Variants in GRM7 observed in about 807,000 individuals in gnomAD.
GRM7 encodes the protein glutamate metabotropic receptor 7, also known as metabotropic glutamate receptor 7.
GRM7 carries 35 observed loss-of-function variants against 84.5 expected under a neutral mutation model. The ratio of observed to expected loss-of-function variants is 0.41; its 90% CI spans 0.32 to 0.55. The LOEUF is 0.55. GRM7 is among the 20% of genes least tolerant of loss of function. The pLI, the probability that GRM7 is intolerant of heterozygous loss-of-function variation, is 0.19. For synonymous variants in GRM7, 487 were observed against 455.1 expected (o/e 1.07, Z -0.89); for missense variants, 1,003 against 1,194.6 (o/e 0.84, Z 2.36).
intron 1 of GRM7, among the ~76,000 whole-genome samples, chr3:6,960,183 C>G (rs1445298497): frequency 6.6e-6 from 1 of 152,172 alleles, no homozygotes; most frequent in Non-Finnish European, 1.5e-5. Context: ...ATGACTCAAG[C>G]TGAGCCACCC....
At chr3:7,146,999 T>A (rs1028815956) in intron 2 of GRM7, among the ~76,000 whole-genome samples, 15 of 152,194 alleles carry the variant, frequency 9.9e-5, no homozygotes, top group African/African-American at 3.6e-4. Context: ...TACCTCCCCA[T>A]GAAGACTCTT....
intron 7 of GRM7, chr3:7,561,284 T>A (rs1003484982): frequency 4.4e-6 from 1 of 226,764 alleles, no homozygotes; most frequent in African/African-American, 2.2e-5. Context: ...AAGGACCAAC[T>A]GGGTCACACT....
intron 1 of GRM7, among the ~76,000 whole-genome samples, chr3:7,105,779 A>G (rs1354099601): frequency 6.6e-6 from 1 of 151,874 alleles, no homozygotes; most frequent in Non-Finnish European, 1.5e-5. Context: ...TGGAAAAGAT[A>G]AATTTAAATT....
chr3:7,315,974 G>A (rs531959542), intron 4 of GRM7, among the ~76,000 whole-genome samples: 47 of 152,170 alleles, frequency 3.1e-4, no homozygotes, highest in African/African-American at 1.1e-3. Context: ...CAGTGGTCAG[G>A]GGTGTTGCAA....
chr3:7,476,597 T>TA (rs1553604091), intron 7 of GRM7, among the ~76,000 whole-genome samples: 1 of 152,128 alleles, frequency 6.6e-6, no homozygotes, highest in Non-Finnish European at 1.5e-5. Context: ...CAGTGGCTGA[T>TA]ACAATAAATA....
In GRM7 at chr3:7,711,670, C is replaced by T. The variant is rs375419570; in HGVS notation, c.2699-28687C>T. 2.8e-3 allele frequency among the ~76,000 whole-genome samples: 431 copies of T among 152,296 alleles called. 7 individuals carry two copies. Among genetic ancestry groups the T allele is most frequent in the Middle Eastern group, 0.02 (6 of 294 alleles). On this transcript the variant is annotated intron_variant, in intron 9 of 9. Transcript: ENST00000357716. ...TACTCTGAATCAATGAATCAACCAC[C>T]GATCTTGGGCCATGACTCCCTATCC... is the stretch of plus-strand genomic sequence containing the variant.
intron 8 of GRM7, among the ~76,000 whole-genome samples, chr3:7,593,061 T>C (rs1695869832): frequency 6.6e-6 from 1 of 152,224 alleles, no homozygotes; most frequent in Non-Finnish European, 1.5e-5. Context: ...ATGCTCTTGC[T>C]AGTTAGAGTA....
intron 4 of GRM7, among the ~76,000 whole-genome samples, chr3:7,356,927 C>T: frequency 7.1e-6 from 1 of 140,456 alleles, no homozygotes; most frequent in East Asian, 2.0e-4. Flanking sequence ...TGATCACACA[C>T]ACACACACAC....
At position 7,423,001 on chromosome 3, in the gene GRM7, TG is replaced by T. The variant is rs1274792404; in HGVS notation, c.1174+7839del. Among the ~76,000 whole-genome samples, 8 of 152,274 alleles carry T rather than the reference TG, an allele frequency of 5.3e-5. No homozygotes were observed. The East Asian group carries it at 1.5e-3, about 29-fold the overall frequency. On this transcript the variant is annotated intron_variant, in intron 5 of 9. Transcript: ENST00000357716. Reference sequence around the variant, plus strand: ...CTCATTTTCCCAAATCTTGACCAGATGCCCAAGTGGAGGCTGAATATCTTCA... The same window carrying T: ...CTCATTTTCCCAAATCTTGACCAGATCCCAAGTGGAGGCTGAATATCTTCA...
chr3:6,948,789 G>A (rs186842707), intron 1 of GRM7, among the ~76,000 whole-genome samples: 245 of 152,294 alleles, frequency 1.6e-3, no homozygotes, highest in African/African-American at 5.3e-3. Flanking sequence ...TTGTTGAATT[G>A]ATCCCTTTAC....
chr3:7,332,790 A>C (rs1379005066), intron 4 of GRM7, among the ~76,000 whole-genome samples: 1 of 152,098 alleles, frequency 6.6e-6, no homozygotes, highest in Non-Finnish European at 1.5e-5. Flanking sequence ...ACAGTTGAAA[A>C]ACTTGGCCTC....
At chr3:6,871,764 C>T (rs1695128816) in intron 1 of GRM7, among the ~76,000 whole-genome samples, 1 of 152,014 alleles carries the variant, frequency 6.6e-6, no homozygotes, top group Non-Finnish European at 1.5e-5. Flanking sequence ...AATTATAACA[C>T]ATTTTATATC....
intron 3 of GRM7, among the ~76,000 whole-genome samples, chr3:7,299,167 A>G (rs1391539386): frequency 6.6e-6 from 1 of 152,180 alleles, no homozygotes; most frequent in Non-Finnish European, 1.5e-5. Flanking sequence ...AAATGTCTTA[A>G]AATTCTGGTT....
chr3:7,657,501 T>C (rs1331358270), intron 8 of GRM7, among the ~76,000 whole-genome samples: 1 of 152,240 alleles, frequency 6.6e-6, no homozygotes, highest in South Asian at 2.1e-4. Flanking sequence ...AAGAGTTTCA[T>C]TTAATCTTAG....
At chr3:7,739,243 G>A (rs531796638) in intron 9 of GRM7, among the ~76,000 whole-genome samples, 2 of 152,218 alleles carry the variant, frequency 1.3e-5, no homozygotes, top group African/African-American at 4.8e-5. Flanking sequence ...GTATGTACCT[G>A]TAACGTACTA....
At chr3:7,573,529 G>A (rs901251451) in intron 7 of GRM7, among the ~76,000 whole-genome samples, 6 of 152,206 alleles carry the variant, frequency 3.9e-5, no homozygotes, top group Admixed American at 1.3e-4. Flanking sequence ...CTATCTCTTT[G>A]GTTTTTGTGT....
intron 7 of GRM7, among the ~76,000 whole-genome samples, chr3:7,527,783 A>G (rs1700865768): frequency 6.6e-6 from 1 of 151,948 alleles, no homozygotes; most frequent in African/African-American, 2.4e-5. Flanking sequence ...TATTGAGATG[A>G]TTGCATGGGT....
At position 6,965,158 on chromosome 3, in the gene GRM7, C is replaced by G. The variant is rs550241021; in HGVS notation, c.519+103251C>G. On this transcript the variant is annotated intron_variant, in intron 1 of 9. Transcript: ENST00000357716. ...AAGACCCTAGGTGGGAGAGAGCCTG[C>G]CACTTCCCCCTGAAGAGGAACTGAT... Among the ~76,000 whole-genome samples the G allele has an allele frequency of 1.1e-4, 16 of 152,086 alleles. 1 individual carries two copies. The South Asian group carries it at 2.9e-3, about 28-fold the overall frequency.
At chr3:7,528,007 C>T (rs890357572) in intron 7 of GRM7, among the ~76,000 whole-genome samples, 2 of 151,790 alleles carry the variant, frequency 1.3e-5, no homozygotes, top group African/African-American at 4.8e-5. Flanking sequence ...GCATCTTTGC[C>T]TGATTTTAGT....
Sources: allele counts gnomAD v4.1 joint callset (sites outside exome capture counted in the v4.1 genomes callset), GRCh38; gene constraint gnomAD v4.1.1; transcripts MANE v1.5; gene names NCBI Gene and HGNC (gene_info 2026-07-23, HGNC 2026-07-21).